The following MSANTD2 variants were observed in gnomAD, a reference collection of about 807,000 sequenced individuals.
MSANTD2 encodes the protein myb/SANT-like DNA-binding domain-containing protein 2.
In MSANTD2, 19 loss-of-function variants were observed where a neutral mutation model predicts 52.6. The observed-to-expected ratio is 0.36, with a 90% CI of 0.25 to 0.53. The LOEUF is 0.53. MSANTD2 is among the 20% of genes least tolerant of loss of function. The pLI is 0.91. For missense variants in MSANTD2, 558 were observed against 716.3 expected, an observed-to-expected ratio of 0.78 and a Z score of 2.52; for synonymous variants, 291 against 289.7, an observed-to-expected ratio of 1.00 and a Z score of -0.04.
Position 124,774,724 on chromosome 11 carries a change from T to C in MSANTD2, c.761A>G (p.Glu254Gly). 1 of 1,614,032 alleles carries C rather than the reference T, an allele frequency of 6.2e-7. No homozygotes were observed. Among genetic ancestry groups the C allele is most frequent in the Non-Finnish European group, 8.5e-7 (1 of 1,179,964 alleles). Reference protein sequence around the residue: ...QDLHGYPTDQELDEIPVTKRT... With the variant: ...QDLHGYPTDQGLDEIPVTKRT... ...ATATATGTTGGCTTTCTTACCCAAT[T>C]CCTGATCTGTTGGATAGCCATGGAG... The change falls in exon 2 of 4, where the codon GAA becomes GGA. Residue 254 changes from glutamate (E) to glycine (G), a missense_variant. Around this residue, in one of 2 missense-constraint regions of MSANTD2, gnomAD observed 408 missense variants for 573.6 expected, o/e 0.71. Transcript: ENST00000374979. The surrounding 1 kb of genome is among the most constrained non-coding windows in gnomAD (Gnocchi z 5.1).
intron 1 of MSANTD2, chr11:124,783,873 G>A: frequency 1.0e-6 from 1 of 985,316 alleles, no homozygotes; most frequent in Non-Finnish European, 1.2e-6. Context: ...CTGACCCTAT[G>A]CTATGTGTGC....
At chr11:124,775,156 A>G (rs1470358531) in intron 1 of MSANTD2, 182 bp from the exon 2 acceptor site, 2 of 565,612 alleles carry the variant, frequency 3.5e-6, no homozygotes, top group African/African-American at 3.7e-5. Context: ...CATTTACTCA[A>G]ACATGTTATA....
chr11:124,799,809 G>A lies in MSANTD2; in HGVS notation c.510+62C>T, dbSNP rs931820163. ...CCCTCAGACCGGCCCCCGCCCCCGA[G>A]GCCCGCTTCCCCGCCTTCTCTCTGC... On this transcript the variant is annotated intron_variant, in intron 1 of 3. Transcript: ENST00000374979. 4.7e-5 allele frequency: 63 copies of A among 1,326,362 alleles called. 1 individual carries two copies. The highest frequency in any genetic ancestry group is 5.7e-5 in the Non-Finnish European group (56 of 978,486). The allele number at this position is 1,326,362 out of a possible 1,614,324, so 82.2% of individuals were successfully genotyped here.
At chr11:124,780,880 C>A (rs1944936458) in intron 1 of MSANTD2, among the ~76,000 whole-genome samples, 1 of 152,156 alleles carries the variant, frequency 6.6e-6, no homozygotes. Context: ...GAAATAATTT[C>A]TATCAGTAAA....
At chr11:124,773,914 A>G (rs913960868) in intron 2 of MSANTD2, among the ~76,000 whole-genome samples, 2 of 152,228 alleles carry the variant, frequency 1.3e-5, no homozygotes, top group Non-Finnish European at 2.9e-5. Flanking sequence ...CCTCCTGTTA[A>G]TGTACAATGG....
intron 3 of MSANTD2, among the ~76,000 whole-genome samples, chr11:124,769,673 G>A (rs1038117642): frequency 6.6e-6 from 1 of 152,176 alleles, no homozygotes; most frequent in African/African-American, 2.4e-5. Context: ...CTTGAGAAAC[G>A]TGTGTTGAAT....
At chr11:124,785,695 G>A (rs562693482) in intron 1 of MSANTD2, among the ~76,000 whole-genome samples, 15 of 152,046 alleles carry the variant, frequency 9.9e-5, no homozygotes, top group Non-Finnish European at 2.1e-4. Context: ...CAGACAGCTG[G>A]GGGGGGACTA....
At position 124,800,079 on chromosome 11, in the gene MSANTD2, C is replaced by T. The variant is rs1172276660; in HGVS notation, c.302G>A (p.Gly101Asp). The change falls in exon 1 of 4, where the codon GGC becomes GAC. Residue 101 changes from glycine (G) to aspartate (D), a missense_variant. Physicochemically the swap from Gly to Asp is moderately conservative, Grantham distance 94. Around this residue, in one of 2 missense-constraint regions of MSANTD2, gnomAD observed 408 missense variants for 573.6 expected, o/e 0.71. Transcript: ENST00000374979. This position sits in a 1 kb window ranked among gnomAD's most constrained non-coding sequence, Gnocchi z 4.3. ...CGTCTCGGCTGGCGTCCACGACATG[C>T]CCCGGCAGGCGGCGGCGGCGGCTGC... Reference protein sequence around the residue: ...AAAAAAAACRGMSWTPAETNA... With the variant: ...AAAAAAAACRDMSWTPAETNA... 2 of 1,505,368 alleles carry T rather than the reference C, an allele frequency of 1.3e-6. No homozygotes were observed. Among genetic ancestry groups the T allele is most frequent in the Non-Finnish European group, 8.8e-7 (1 of 1,137,526 alleles). 93.3% of individuals were successfully genotyped at this position (1,505,368 alleles called of 1,614,324 possible).
intron 1 of MSANTD2, among the ~76,000 whole-genome samples, chr11:124,778,103 C>G (rs1426906201): frequency 1.3e-5 from 2 of 152,070 alleles, no homozygotes; most frequent in African/African-American, 4.8e-5. Flanking sequence ...TGTGCGTGTC[C>G]CAGTCCTAAA....
intron 1 of MSANTD2, among the ~76,000 whole-genome samples, chr11:124,796,580 G>A (rs1408038760): frequency 6.6e-6 from 1 of 152,048 alleles, no homozygotes; most frequent in Non-Finnish European, 1.5e-5. Flanking sequence ...TAAAGTAGCT[G>A]GGACAACAGG....
At chr11:124,776,921 AAGAT>A (rs746371097) in intron 1 of MSANTD2, among the ~76,000 whole-genome samples, 64 of 152,348 alleles carry the variant, frequency 4.2e-4, no homozygotes, top group Non-Finnish European at 8.7e-4. Flanking sequence ...CTCTTTGTAA[AAGAT>A]AGTCACAATT....
chr11:124,787,184 T>A (rs1187080927), intron 1 of MSANTD2, among the ~76,000 whole-genome samples: 4 of 152,224 alleles, frequency 2.6e-5, no homozygotes, highest in Non-Finnish European at 5.9e-5. Flanking sequence ...AGGGGCCTTA[T>A]GAATTAAGGT....
rs1161993269 is a variant in MSANTD2 at position 124,767,568 on chromosome 11, A to C, written c.1288T>G (p.Cys430Gly). 2 of 1,614,190 alleles carry C rather than the reference A, an allele frequency of 1.2e-6. No individual in the cohort carries two copies. Among genetic ancestry groups the C allele is most frequent in the Admixed American group, 1.7e-5 (1 of 60,026 alleles). Residue 430 changes from cysteine (C) to glycine (G), a missense_variant, in exon 4 of 4, where the codon TGT becomes GGT. This residue lies in a region of MSANTD2 where 408 missense variants were observed against 573.6 expected (regional missense o/e 0.71). Coordinates refer to ENST00000374979, the MANE Select transcript of MSANTD2 (RefSeq NM_001308027.2). This position sits in a 1 kb window ranked among gnomAD's most constrained non-coding sequence, Gnocchi z 6.5. The part of the protein sequence containing the change: ...PGLYAIGYEE[C>G]IERPLSPHME... Reference sequence around the variant, plus strand: ...TGTGGTGAGAGGGGCCTCTCAATACATTCTTCATAGCCAATGGCATAAAGG... The same window carrying C: ...TGTGGTGAGAGGGGCCTCTCAATACCTTCTTCATAGCCAATGGCATAAAGG...
chr11:124,796,439 C>CT (rs1264103926), intron 1 of MSANTD2, among the ~76,000 whole-genome samples: 3 of 151,136 alleles, frequency 2.0e-5, no homozygotes, highest in South Asian at 2.1e-4. Context: ...TAGTTGAATT[C>CT]TTTTTTTTTA....
chr11:124,767,490 T>G lies in MSANTD2; in HGVS notation c.1366A>C (p.Thr456Pro), dbSNP rs770962110. The G allele has an allele frequency of 5.0e-6, 8 of 1,613,942 alleles. No homozygotes were observed. The highest frequency in any genetic ancestry group is 6.8e-6 in the Non-Finnish European group (8 of 1,179,962). ...TGTAATGAGGCTTGTGCTGAAAGGG[T>G]TTCCAGGTCAACCCGGCCCTCTTTT... The part of the protein sequence containing the change: ...PGKEGRVDLE[T>P]LSAQASLQVE... Residue 456 changes from threonine to proline, a missense_variant, in exon 4 of 4, where the codon ACC becomes CCC. Physicochemically the swap from Thr to Pro is conservative, Grantham distance 38. Coordinates refer to ENST00000374979, the MANE Select transcript of MSANTD2 (RefSeq NM_001308027.2). The surrounding 1 kb of genome is among the most constrained non-coding windows in gnomAD (Gnocchi z 6.5).
chr11:124,778,506 AAG>A (rs1944831986), intron 1 of MSANTD2, among the ~76,000 whole-genome samples: 1 of 152,196 alleles, frequency 6.6e-6, no homozygotes, highest in Admixed American at 6.5e-5. Context: ...TGTATCCTGA[AAG>A]AAGCTGTAGG....
At chr11:124,781,254 T>C (rs914118563) in intron 1 of MSANTD2, among the ~76,000 whole-genome samples, 11 of 152,198 alleles carry the variant, frequency 7.2e-5, no homozygotes, top group Non-Finnish European at 1.3e-4. Context: ...ATAGCACTTC[T>C]TTCTACCTGC....
chr11:124,785,640 GAAATTCTGAAGAAATCA>G, intron 1 of MSANTD2, among the ~76,000 whole-genome samples: 1 of 152,188 alleles, frequency 6.6e-6, no homozygotes, highest in East Asian at 1.9e-4. Flanking sequence ...TGGGCAGAGT[GAAATTCTGAAGAAATCA>G]ACCAGAAGCC....
chr11:124,774,683 C>G lies in MSANTD2; in HGVS notation c.766+36G>C. The stretch of plus-strand genomic sequence containing the variant: ...ACATACATAAAGGTATATAAATATA[C>G]ACAAACATAAGTATCATATATGTTG... On this transcript the variant is annotated intron_variant, in intron 2 of 3. Transcript: ENST00000374979. The surrounding 1 kb of genome is among the most constrained non-coding windows in gnomAD (Gnocchi z 5.1). 6.3e-7 allele frequency: 1 copy of G among 1,596,600 alleles called. No homozygotes were observed. Among genetic ancestry groups the G allele is most frequent in the Non-Finnish European group, 8.6e-7 (1 of 1,167,768 alleles).
Sources: allele counts gnomAD v4.1 joint callset (sites outside exome capture counted in the v4.1 genomes callset), GRCh38; gene constraint gnomAD v4.1.1; regional missense constraint gnomAD v4.1.1; non-coding constraint Gnocchi (gnomAD v3.1); transcripts MANE v1.5; gene names NCBI Gene and HGNC (gene_info 2026-07-23, HGNC 2026-07-21).